RP1: variants seen among roughly 807,000 people sequenced by gnomAD.
The protein encoded by RP1 is oxygen-regulated protein 1.
Under a neutral mutation model 14.8 loss-of-function variants are expected in RP1, and 16 were observed. The ratio of observed to expected loss-of-function variants is 1.08; its 90% confidence interval spans 0.73 to 1.65. RP1 has a LOEUF of 1.65. RP1 is among the 40% of genes most tolerant of loss of function. RP1 has a pLI of 0.00. For synonymous variants in RP1, 876 were observed against 883.6 expected (o/e 0.99, Z 0.15); for missense variants, 2,631 against 2,535.0 (o/e 1.04, Z -0.81).
At chr8:54,779,571 C>T (rs1045436862) in intron 23 of RP1, among the ~76,000 whole-genome samples, 4 of 152,108 alleles carry the variant, frequency 2.6e-5, no homozygotes, top group Non-Finnish European at 5.9e-5. Context: ...TAACAGAATA[C>T]ACAGAATAAG....
intron 12 of RP1, among the ~76,000 whole-genome samples, chr8:54,685,670 T>G (rs1349125454): frequency 6.6e-6 from 1 of 152,192 alleles, no homozygotes; most frequent in Non-Finnish European, 1.5e-5. Flanking sequence ...ATGAGATTTT[T>G]TTTTTCTTTT....
chr8:54,642,037 T>G (rs1806462868), intron 3 of RP1, among the ~76,000 whole-genome samples: 1 of 152,224 alleles, frequency 6.6e-6, no homozygotes, highest in Non-Finnish European at 1.5e-5. Flanking sequence ...TTTAGTGTAC[T>G]GATTTGCAGA....
exon 21 of RP1, chr8:54,755,725 A>G (rs1479492939): frequency 3.9e-6 from 6 of 1,534,840 alleles, no homozygotes; most frequent in Middle Eastern, 3.4e-4. Flanking sequence ...CTGGCCTCAG[A>G]CAGCTGTACA....
At position 54,621,453 on chromosome 8, in the gene RP1, G is replaced by T. The variant is rs370436803; in HGVS notation, c.487G>T (p.Asp163Tyr). 6.8e-6 allele frequency: 11 copies of T among 1,613,816 alleles called. No individual in the cohort carries two copies. Among genetic ancestry groups the T allele is most frequent in the African/African-American group, 1.3e-5 (1 of 74,898 alleles). ...GAGCCTAGTGGTCTTCAGGAATGGC[G>T]ACCCGAAGACGAGGCGTGCGGTTCT... ...PRSLVVFRNG[D>Y]PKTRRAVLLS... Residue 163 changes from aspartate (D) to tyrosine (Y), a missense_variant, in exon 2 of 4, where the codon GAC (aspartate) becomes TAC (tyrosine). By Grantham distance (160) the Asp-to-Tyr change is radical. Coordinates refer to ENST00000220676, the MANE Select transcript of RP1 (RefSeq NM_006269.2).
chr8:54,624,219 A>C (rs1411164783), intron 3 of RP1, among the ~76,000 whole-genome samples: 5 of 152,044 alleles, frequency 3.3e-5, no homozygotes, highest in African/African-American at 4.8e-5. Flanking sequence ...AGGCGGGCGG[A>C]TCATGAGGTC....
intron 24 of RP1, among the ~76,000 whole-genome samples, chr8:54,828,961 G>A (rs867531370): frequency 3.1e-5 from 4 of 129,606 alleles, no homozygotes; most frequent in Non-Finnish European, 3.1e-5. Flanking sequence ...GTGCGATCTC[G>A]GCTCACTGTA....
At chr8:54,591,141 T>G (rs1805035994) in intron 1 of RP1, among the ~76,000 whole-genome samples, 1 of 152,222 alleles carries the variant, frequency 6.6e-6, no homozygotes, top group Non-Finnish European at 1.5e-5. Context: ...CTACTCCTGC[T>G]GTTCTAACAC....
intron 24 of RP1, among the ~76,000 whole-genome samples, chr8:54,831,031 G>C (rs759240902): frequency 2.0e-5 from 3 of 151,910 alleles, no homozygotes; most frequent in Non-Finnish European, 2.9e-5. Flanking sequence ...GCATACATCC[G>C]TACTTCACTT....
chr8:54,610,238 C>A lies in RP1; in HGVS notation c.-12-10717C>A, dbSNP rs144947745. Reference sequence around the variant, plus strand: ...CTACCTCCTTTTGAAACACTTCTTTCCTTTGGCTTCCAGAACACTACTCTG... The same window carrying A: ...CTACCTCCTTTTGAAACACTTCTTTACTTTGGCTTCCAGAACACTACTCTG... On this transcript the variant is annotated intron_variant, in intron 1 of 22. Coordinates refer to the RP1 transcript ENST00000636932. 1.7e-3 allele frequency among the ~76,000 whole-genome samples: 255 copies of A among 152,284 alleles called. 6 individuals are homozygous for A. The East Asian group carries it at 0.041, about 24-fold the overall frequency.
exon 10 of RP1, chr8:54,679,446 G>A (rs1396224024): frequency 3.9e-6 from 6 of 1,535,784 alleles, no homozygotes; most frequent in Non-Finnish European, 5.2e-6. Flanking sequence ...GAAGATGATT[G>A]TAAAATTGTC....
At chr8:54,733,765 G>A (rs545781353) in intron 17 of RP1, among the ~76,000 whole-genome samples, 51 of 152,270 alleles carry the variant, frequency 3.3e-4, no homozygotes, top group South Asian at 2.3e-3. Flanking sequence ...CAGACAACCC[G>A]TGCAGAGTAG....
intron 24 of RP1, among the ~76,000 whole-genome samples, chr8:54,787,461 G>A (rs769246701): frequency 2.0e-5 from 3 of 152,166 alleles, no homozygotes; most frequent in East Asian, 3.9e-4. Context: ...TCTAGGGGGC[G>A]TTCATTGTTG....
At chr8:54,741,815 G>T (rs968206631) in intron 19 of RP1, among the ~76,000 whole-genome samples, 2 of 138,392 alleles carry the variant, frequency 1.4e-5, no homozygotes, top group Admixed American at 7.6e-5. Flanking sequence ...TGAGATCCTG[G>T]TTTTTTTATT....
At chr8:54,738,288 C>T (rs892016235) in intron 18 of RP1, among the ~76,000 whole-genome samples, 2 of 152,102 alleles carry the variant, frequency 1.3e-5, no homozygotes, top group Non-Finnish European at 2.9e-5. Context: ...TATTTTACTC[C>T]GTTTGCAACA....
At chr8:54,565,399 T>C (rs778307773) in intron 1 of RP1, among the ~76,000 whole-genome samples, 9 of 152,266 alleles carry the variant, frequency 5.9e-5, no homozygotes, top group East Asian at 5.8e-4. Flanking sequence ...ACTCCGCCTC[T>C]ACTAAAAATA....
intron 6 of RP1, among the ~76,000 whole-genome samples, chr8:54,661,789 T>C (rs569135816): frequency 2.0e-5 from 3 of 152,270 alleles, no homozygotes; most frequent in Non-Finnish European, 4.4e-5. Flanking sequence ...GGTTCTTTTT[T>C]TTAAAAAAGT....
chr8:54,788,883 G>A (rs550676098), intron 24 of RP1, among the ~76,000 whole-genome samples: 2 of 152,152 alleles, frequency 1.3e-5, no homozygotes, highest in Admixed American at 1.3e-4. Context: ...GAAACTGGGG[G>A]TGAGGCTGAT....
At chr8:54,816,596 C>T (rs1028423227) in intron 24 of RP1, among the ~76,000 whole-genome samples, 5 of 152,182 alleles carry the variant, frequency 3.3e-5, no homozygotes, top group South Asian at 2.1e-4. Context: ...TTTCCAACAT[C>T]GCCATCAGGG....
chr8:54,855,750 C>T (rs1812179413), intron 26 of RP1, among the ~76,000 whole-genome samples: 1 of 152,056 alleles, frequency 6.6e-6, no homozygotes, highest in South Asian at 2.1e-4. Context: ...CCTACCCAGC[C>T]TTATTAATAA....
Sources: allele counts gnomAD v4.1 joint callset (sites outside exome capture counted in the v4.1 genomes callset), GRCh38; gene constraint gnomAD v4.1.1; transcripts MANE v1.5; gene names NCBI Gene and HGNC (gene_info 2026-07-23, HGNC 2026-07-21).